The following RASEF variants were observed in gnomAD, a reference collection of about 807,000 sequenced individuals.
RASEF encodes the protein RAS and EF-hand domain containing, also known as ras and EF-hand domain-containing protein.
A neutral mutation model predicts 90.1 loss-of-function variants in RASEF; 68 were observed. The observed-to-expected ratio is 0.75, with a 90% CI of 0.62 to 0.92. The LOEUF is 0.92. Ranked by LOEUF, RASEF falls within the 40% of genes least tolerant of loss-of-function variation. The probability of loss-of-function intolerance (pLI) is 0.00; values close to 1 mark genes in which losing one functional copy is unlikely to be tolerated. For synonymous variants in RASEF, 331 were observed against 345.2 expected (o/e 0.96, Z 0.46); for missense variants, 949 against 937.2 (o/e 1.01, Z -0.16).
chr9:83,147,413 A>G, the RASEF span, among the ~76,000 whole-genome samples: 111 of 152,182 alleles, frequency 7.3e-4, no homozygotes, highest in Admixed American at 1.9e-3. Context: ...TTGAATCTAT[A>G]TGTAAAATAG....
chr9:83,196,645 G>T, the RASEF span, among the ~76,000 whole-genome samples: 2 of 152,176 alleles, frequency 1.3e-5, no homozygotes, highest in Non-Finnish European at 2.9e-5. Flanking sequence ...ATGCTGACTT[G>T]AACCCATAAC....
At chr9:83,205,151 C>T in the RASEF span, among the ~76,000 whole-genome samples, 1 of 152,120 alleles carries the variant, frequency 6.6e-6, no homozygotes, top group Non-Finnish European at 1.5e-5. Flanking sequence ...GAGGAGTTTG[C>T]TTTAAGAAAT....
chr9:83,095,182 A>C, the RASEF span, among the ~76,000 whole-genome samples: 1 of 152,136 alleles, frequency 6.6e-6, no homozygotes, highest in East Asian at 1.9e-4. Flanking sequence ...CCTAGAAGGT[A>C]GCTGTATAAG....
At chr9:83,137,638 G>A in the RASEF span, among the ~76,000 whole-genome samples, 1 of 152,060 alleles carries the variant, frequency 6.6e-6, no homozygotes, top group East Asian at 1.9e-4. Context: ...TAGGTCAGCT[G>A]GGGCAGGGAG....
chr9:83,175,139 T>C, the RASEF span, among the ~76,000 whole-genome samples: 1 of 152,188 alleles, frequency 6.6e-6, no homozygotes, highest in Non-Finnish European at 1.5e-5. Flanking sequence ...CTAATTGTTC[T>C]AGCTATTATA....
At chr9:83,096,821 C>T in the RASEF span, among the ~76,000 whole-genome samples, 1 of 151,716 alleles carries the variant, frequency 6.6e-6, no homozygotes, top group Non-Finnish European at 1.5e-5. Flanking sequence ...GTGATATTCC[C>T]CCTTCCTGTG....
At chr9:83,099,439 A>C in the RASEF span, among the ~76,000 whole-genome samples, 1 of 152,232 alleles carries the variant, frequency 6.6e-6, no homozygotes, top group Non-Finnish European at 1.5e-5. Context: ...TGTTACGCTA[A>C]GTTATTTTCT....
chr9:83,012,738 T>C (rs1307719740), intron 4 of RASEF, among the ~76,000 whole-genome samples: 2 of 152,250 alleles, frequency 1.3e-5, no homozygotes, highest in African/African-American at 4.8e-5. Flanking sequence ...ATGAACTTTT[T>C]TGGAAACAGC....
chr9:83,131,748 A>G, the RASEF span, among the ~76,000 whole-genome samples: 2 of 152,282 alleles, frequency 1.3e-5, no homozygotes, highest in East Asian at 3.9e-4. Context: ...AAAACTAAAC[A>G]TCTAAATGGG....
the RASEF span, among the ~76,000 whole-genome samples, chr9:83,107,565 G>A: frequency 3.3e-5 from 5 of 151,916 alleles, no homozygotes; most frequent in East Asian, 1.9e-4. Flanking sequence ...TTGACCTATC[G>A]CTCTCCTAAA....
At chr9:83,049,061 T>C (rs1829986693) in intron 1 of RASEF, among the ~76,000 whole-genome samples, 1 of 151,420 alleles carries the variant, frequency 6.6e-6, no homozygotes, top group African/African-American at 2.4e-5. Context: ...GAGGCAAAGG[T>C]TGCAGTGAGC....
At chr9:83,097,343 G>C in the RASEF span, among the ~76,000 whole-genome samples, 12 of 152,142 alleles carry the variant, frequency 7.9e-5, no homozygotes, top group Non-Finnish European at 1.6e-4. Context: ...TGTGGCATGG[G>C]CAAGGACTTC....
intron 6 of RASEF, among the ~76,000 whole-genome samples, chr9:83,007,904 C>T (rs1829163576): frequency 6.6e-6 from 1 of 152,148 alleles, no homozygotes; most frequent in Non-Finnish European, 1.5e-5. Context: ...TCCTCTGAAC[C>T]TTCCCTGCTC....
At chr9:83,055,652 C>G (rs1303856790) in intron 1 of RASEF, 1 of 718,060 alleles carries the variant, frequency 1.4e-6, no homozygotes, top group Non-Finnish European at 2.6e-6. Context: ...CTCACGAACA[C>G]AAATGCAGGT....
chr9:83,180,342 G>A, the RASEF span, among the ~76,000 whole-genome samples: 1 of 152,138 alleles, frequency 6.6e-6, no homozygotes, highest in South Asian at 2.1e-4. Context: ...TGAGAAGCAA[G>A]CATATGGTAA....
At chr9:83,008,997 T>C (rs947113178) in intron 6 of RASEF, among the ~76,000 whole-genome samples, 5 of 145,202 alleles carry the variant, frequency 3.4e-5, no homozygotes, top group African/African-American at 1.3e-4. Context: ...TAACTCCTTA[T>C]CTAGTTCAGA....
At chr9:83,122,344 C>A in the RASEF span, among the ~76,000 whole-genome samples, 1 of 152,204 alleles carries the variant, frequency 6.6e-6, no homozygotes, top group African/African-American at 2.4e-5. Context: ...AGGGCATAAT[C>A]AAAAGGCGAT....
chr9:83,151,247 T>C, the RASEF span, among the ~76,000 whole-genome samples: 2 of 152,326 alleles, frequency 1.3e-5, no homozygotes, highest in South Asian at 2.1e-4. Context: ...TTCCTGGCTA[T>C]ATCCTGGACA....
the RASEF span, among the ~76,000 whole-genome samples, chr9:83,173,636 AT>A: frequency 6.6e-6 from 1 of 151,744 alleles, no homozygotes; most frequent in Non-Finnish European, 1.5e-5. Flanking sequence ...AGCATTCTGA[AT>A]TCCTTCTCTG....
Sources: gnomAD v4.1 joint callset for allele counts (sites outside exome capture counted in the v4.1 genomes callset) on GRCh38, gnomAD v4.1.1 for gene constraint, MANE v1.5 for transcripts, NCBI Gene and HGNC (gene_info 2026-07-23, HGNC 2026-07-21) for gene names.